The following APBB2 variants were observed in gnomAD, a reference collection of about 807,000 sequenced individuals.
APBB2 encodes the protein amyloid beta precursor protein binding family B member 2.
APBB2 carries 38 observed loss-of-function variants against 82.5 expected under a neutral mutation model. The ratio of observed to expected loss-of-function variants is 0.46; its 90% CI spans 0.36 to 0.60. The LOEUF (loss-of-function observed/expected upper bound fraction) is 0.60, where lower values mean the gene tolerates loss of function less well. APBB2 is among the 20% of genes least tolerant of loss of function. The pLI, the probability that APBB2 is intolerant of heterozygous loss-of-function variation, is 0.00. For synonymous variants in APBB2, 341 were observed against 368.2 expected, an observed-to-expected ratio of 0.93 and a Z score of 0.85; for missense variants, 772 against 972.3, an observed-to-expected ratio of 0.79 and a Z score of 2.74.
At chr4:41,065,930 G>C (rs1731624664) in intron 3 of APBB2, among the ~76,000 whole-genome samples, 1 of 152,084 alleles carries the variant, frequency 6.6e-6, no homozygotes, top group African/African-American at 2.4e-5. Context: ...GGCTTGACCA[G>C]GGCTGGCCTT....
intron 6 of APBB2, among the ~76,000 whole-genome samples, chr4:40,961,666 GTAA>G (rs1793264916): frequency 3.0e-4 from 2 of 6,712 alleles, no homozygotes; most frequent in Admixed American, 1.9e-3. Context: ...AAAAAAAGAT[GTAA>G]AAAAAAAAAA....
At chr4:40,922,358 G>C (rs946681715) in intron 10 of APBB2, among the ~76,000 whole-genome samples, 14 of 152,198 alleles carry the variant, frequency 9.2e-5, no homozygotes, top group Non-Finnish European at 1.9e-4. Flanking sequence ...TACATGCCGA[G>C]TGAACAGATG....
intron 6 of APBB2, among the ~76,000 whole-genome samples, chr4:40,962,156 A>C (rs946788817): frequency 6.6e-6 from 1 of 152,172 alleles, no homozygotes; most frequent in Non-Finnish European, 1.5e-5. Context: ...TGAGTTTTTC[A>C]AAGATGCAGG....
At position 41,211,187 on chromosome 4, in the gene APBB2, G is replaced by A. The variant is rs574837732; in HGVS notation, c.-417+3218C>T. On this transcript the variant is annotated intron_variant, in intron 1 of 17. Coordinates refer to ENST00000508593, the MANE Select transcript of APBB2 (RefSeq NM_004307.2). The stretch of plus-strand genomic sequence containing the variant: ...GGAGAATTACTTGAACCTGGGAGGT[G>A]GAGGTTACAGTGAGCCAAGATCGCG... 3.3e-5 allele frequency among the ~76,000 whole-genome samples: 5 copies of A among 152,018 alleles called. No homozygotes were observed. The South Asian group carries it at 6.3e-4, about 19-fold the overall frequency.
intron 5 of APBB2, among the ~76,000 whole-genome samples, chr4:41,015,254 A>G (rs1192925703): frequency 6.6e-6 from 1 of 152,182 alleles, no homozygotes; most frequent in Non-Finnish European, 1.5e-5. Context: ...GATTTATTCT[A>G]TATGTCTCTC....
At chr4:41,185,683 T>G (rs1676475242) in intron 1 of APBB2, among the ~76,000 whole-genome samples, 1 of 152,218 alleles carries the variant, frequency 6.6e-6, no homozygotes, top group Non-Finnish European at 1.5e-5. Flanking sequence ...TAATTGCATT[T>G]GGCTCTGGAA....
chr4:41,072,690 A>G (rs1300073686), intron 3 of APBB2, among the ~76,000 whole-genome samples: 1 of 152,174 alleles, frequency 6.6e-6, no homozygotes, highest in Non-Finnish European at 1.5e-5. Flanking sequence ...AGCCTAAAAA[A>G]CCTGCCCGGA....
intron 1 of APBB2, among the ~76,000 whole-genome samples, chr4:41,176,031 A>C (rs1769678480): frequency 6.6e-6 from 1 of 152,204 alleles, no homozygotes; most frequent in African/African-American, 2.4e-5. Flanking sequence ...TTAAGACATG[A>C]ATGTAACATT....
intron 4 of APBB2, among the ~76,000 whole-genome samples, chr4:41,037,104 A>G (rs1333123260): frequency 6.6e-6 from 1 of 152,240 alleles, no homozygotes; most frequent in South Asian, 2.1e-4. Context: ...ATACAGATTT[A>G]TAAGTTGATA....
chr4:41,145,422 A>C (rs190025198), intron 1 of APBB2, among the ~76,000 whole-genome samples: 1 of 152,342 alleles, frequency 6.6e-6, no homozygotes, highest in African/African-American at 2.4e-5. Context: ...ACATTTCAGC[A>C]TGAACTCTTG....
rs758202708 is a variant in APBB2 at position 40,816,054 on chromosome 4, A to G, written c.*38T>C. 1.3e-6 allele frequency: 2 copies of G among 1,599,978 alleles called. No individual in the cohort carries two copies. The highest frequency in any genetic ancestry group is 1.7e-5 in the Admixed American group (1 of 59,248). ...TCATTTTCTTTAGTGTAGCTAGTCA[A>G]TCTTCAGGTAAATAGCCGAGTCCTT... On this transcript the variant is annotated 3_prime_UTR_variant, in exon 18 of 18. Coordinates refer to ENST00000508593, the MANE Select transcript of APBB2 (RefSeq NM_004307.2).
At chr4:40,843,350 A>AG (rs1756509740) in intron 12 of APBB2, among the ~76,000 whole-genome samples, 4 of 152,234 alleles carry the variant, frequency 2.6e-5, no homozygotes, top group African/African-American at 9.6e-5. Flanking sequence ...TGAACCACAA[A>AG]GTCATTAAGT....
chr4:41,110,754 G>T (rs1003907051), intron 2 of APBB2, among the ~76,000 whole-genome samples: 1 of 152,068 alleles, frequency 6.6e-6, no homozygotes, highest in South Asian at 2.1e-4. Context: ...TGCTGCCCTG[G>T]GTATAGTATG....
intron 15 of APBB2, among the ~76,000 whole-genome samples, chr4:40,825,115 T>C (rs1179047482): frequency 1.3e-5 from 2 of 152,236 alleles, no homozygotes; most frequent in African/African-American, 4.8e-5. Flanking sequence ...AATTGTCAGT[T>C]GATTTGTCAG....
At chr4:41,000,654 C>T (rs1190249107) in intron 6 of APBB2, among the ~76,000 whole-genome samples, 1 of 152,182 alleles carries the variant, frequency 6.6e-6, no homozygotes, top group Non-Finnish European at 1.5e-5. Flanking sequence ...GAGCACTAAA[C>T]TCAGTTCCTA....
chr4:41,070,017 G>T (rs1426100536), intron 3 of APBB2, among the ~76,000 whole-genome samples: 1 of 152,164 alleles, frequency 6.6e-6, no homozygotes, highest in Non-Finnish European at 1.5e-5. Context: ...ACATCTGTCT[G>T]CCTTCTTTGT....
intron 10 of APBB2, among the ~76,000 whole-genome samples, chr4:40,906,653 CAACCCAGTG>C (rs1020213873): frequency 1.3e-4 from 20 of 151,978 alleles, no homozygotes; most frequent in African/African-American, 4.8e-4. Context: ...TCAATTTTCA[CAACCCAGTG>C]AACCCAGTGA....
chr4:40,925,981 G>C (rs1164833475), intron 10 of APBB2, among the ~76,000 whole-genome samples: 4 of 152,050 alleles, frequency 2.6e-5, no homozygotes, highest in Non-Finnish European at 5.9e-5. Context: ...CTCCATCTGA[G>C]GTAAGTTATA....
rs112397913 is a variant in APBB2, at chr4:40,829,582, C to T, written c.1644+881G>A. Among the ~76,000 whole-genome samples, 54 of 152,142 alleles carry T rather than the reference C, an allele frequency of 3.5e-4. 1 individual carries two copies. Among genetic ancestry groups the T allele is most frequent in the African/African-American group, 1.2e-3 (49 of 41,494 alleles). ...CCTGGAAGTTCCAAGAGGAAGATTTCGGGTCAACATAAAGAAGAAATCTGT... is the reference window on the plus strand; with the variant it reads ...CCTGGAAGTTCCAAGAGGAAGATTTTGGGTCAACATAAAGAAGAAATCTGT... On this transcript the variant is annotated intron_variant, in intron 13 of 17. Coordinates refer to ENST00000508593, the MANE Select transcript of APBB2 (RefSeq NM_004307.2).
Sources: allele counts gnomAD v4.1 joint callset (sites outside exome capture counted in the v4.1 genomes callset), GRCh38; gene constraint gnomAD v4.1.1; transcripts MANE v1.5; gene names NCBI Gene and HGNC (gene_info 2026-07-23, HGNC 2026-07-21).